Variants in STARD7 observed in about 807,000 individuals in gnomAD.
STARD7 encodes stAR-related lipid transfer protein 7, mitochondrial.
In STARD7, 30 loss-of-function variants were observed where a neutral mutation model predicts 45.3. That is an observed-to-expected ratio of 0.66 (90% CI 0.50 to 0.90). STARD7 has a LOEUF of 0.90. STARD7 is among the 40% of genes least tolerant of loss of function. STARD7 has a pLI of 0.00. For missense variants in STARD7, 495 were observed against 491.3 expected (o/e 1.01, Z -0.07); for synonymous variants, 199 against 183.0 (o/e 1.09, Z -0.70).
chr2:96,186,795 T>C lies in STARD7; in HGVS notation c.1048A>G (p.Thr350Ala). 6.2e-7 allele frequency: 1 copy of C among 1,612,256 alleles called. No homozygotes were observed. Among genetic ancestry groups the C allele is most frequent in the Non-Finnish European group, 8.5e-7 (1 of 1,179,574 alleles). Reference sequence around the variant, plus strand: ...TTCTTTCGCTCAGAGGACTGGCTGGTGGCCTTGGCTTCACTACTCATTTCC... The same window carrying C: ...TTCTTTCGCTCAGAGGACTGGCTGGCGGCCTTGGCTTCACTACTCATTTCC... ...PLEMSSEAKA[T>A]SQSSERKNEG... The change falls in exon 8 of 8, where the codon ACC (threonine) becomes GCC (alanine). Residue 350 changes from threonine (T) to alanine (A), a missense_variant. Thr to Ala is a moderately conservative substitution (Grantham distance 58). Coordinates refer to ENST00000337288, the MANE Select transcript of STARD7 (RefSeq NM_020151.4).
chr2:96,193,439 A>G, intron 3 of STARD7, 87 bp from the exon 4 acceptor site: 1 of 852,102 alleles, frequency 1.2e-6, no homozygotes, highest in Non-Finnish European at 2.0e-6. Flanking sequence ...TCTCTGATCC[A>G]AGAATCTTAT....
chr2:96,198,221 G>A (rs867455335), intron 1 of STARD7, among the ~76,000 whole-genome samples: 1 of 151,956 alleles, frequency 6.6e-6, no homozygotes, highest in African/African-American at 2.4e-5. Context: ...TACTTGGGAG[G>A]CTGAGACAGG....
chr2:96,187,201 A>G lies in STARD7; in HGVS notation c.928+16T>C, dbSNP rs770300147. On this transcript the variant is annotated intron_variant, in intron 7 of 7. Coordinates refer to ENST00000337288, the MANE Select transcript of STARD7 (RefSeq NM_020151.4). ...TCAACCCAGGTTCCAGGCCCTGTAT[A>G]CTTGCCCTTACTTACCACTGGAAAC... 33 of 1,594,578 alleles carry G rather than the reference A, an allele frequency of 2.1e-5. No individual in the cohort carries two copies. The South Asian group carries it at 2.6e-4, about 13-fold the overall frequency.
chr2:96,192,081 G>A (rs1654537511), intron 6 of STARD7, among the ~76,000 whole-genome samples: 1 of 152,178 alleles, frequency 6.6e-6, no homozygotes, highest in South Asian at 2.1e-4. Context: ...TCTAGTTCCT[G>A]AAGAATGCTA....
intron 1 of STARD7, among the ~76,000 whole-genome samples, chr2:96,207,875 A>G (rs1683423373): frequency 1.3e-5 from 2 of 152,214 alleles, no homozygotes; most frequent in African/African-American, 2.4e-5. Flanking sequence ...TGATTTCTAC[A>G]GTGTTGTTTC....
At chr2:96,194,211 A>AT (rs1409757382) in intron 3 of STARD7, among the ~76,000 whole-genome samples, 1 of 152,122 alleles carries the variant, frequency 6.6e-6, no homozygotes, top group Non-Finnish European at 1.5e-5. Context: ...AAAAAATTTT[A>AT]ATTAGCCAAG....
chr2:96,195,919 C>A (rs1683197520), intron 1 of STARD7, among the ~76,000 whole-genome samples: 1 of 151,832 alleles, frequency 6.6e-6, no homozygotes, highest in Admixed American at 6.6e-5. Context: ...TCAAAACCAG[C>A]CTGATCAACA....
rs555067780 is a variant in STARD7 at position 96,197,067 on chromosome 2, A to C, written c.291-1518T>G. Among the ~76,000 whole-genome samples the C allele has an allele frequency of 7.0e-5, 3 of 43,036 alleles. No homozygotes were observed. In the South Asian group the frequency reaches 2.0e-3, roughly 29 times the overall value. The allele number at this position is 43,036 out of a possible 152,430, so 28.2% of individuals were successfully genotyped here. Reference sequence around the variant, plus strand: ...GGCAACAAGAGCGAAACTCCGTCTCAAAATAAAATAAAATAAAATAAAATA... The same window carrying C: ...GGCAACAAGAGCGAAACTCCGTCTCCAAATAAAATAAAATAAAATAAAATA... On this transcript the variant is annotated intron_variant, in intron 1 of 7. Coordinates refer to ENST00000337288, the MANE Select transcript of STARD7 (RefSeq NM_020151.4).
chr2:96,187,244 A>G lies in STARD7; in HGVS notation c.901T>C (p.Tyr301His). ...SDNPQTVFPR[Y>H]CVSWMVSSGM... ...CTGGAAACCATCCAACTAACACAGT[A>G]GCGAGGAAACACCGTTTGGGGATTG... The change falls in exon 7 of 8, where the codon TAC becomes CAC. Residue 301 changes from tyrosine (Y) to histidine (H), a missense_variant. Tyr to His is a moderately conservative substitution (Grantham distance 83). Coordinates refer to ENST00000337288, the MANE Select transcript of STARD7 (RefSeq NM_020151.4). 1 of 1,613,852 alleles carries G rather than the reference A, an allele frequency of 6.2e-7. No homozygotes were observed. The highest frequency in any genetic ancestry group is 1.7e-5 in the Admixed American group (1 of 60,018).
chr2:96,206,966 A>G (rs908826509), intron 1 of STARD7, among the ~76,000 whole-genome samples: 4 of 152,240 alleles, frequency 2.6e-5, no homozygotes, highest in Non-Finnish European at 4.4e-5. Context: ...GCAAAAGAAT[A>G]CTAATAGGAA....
intron 1 of STARD7, among the ~76,000 whole-genome samples, chr2:96,207,668 GC>G (rs1683420322): frequency 1.3e-5 from 2 of 152,266 alleles, no homozygotes; most frequent in South Asian, 2.1e-4. Flanking sequence ...TCTCAATTTT[GC>G]CACGAGTCAC....
At position 96,193,395 on chromosome 2, in the gene STARD7, A is replaced by G. The variant is rs201667410; in HGVS notation, c.550-43T>C. 6.2e-4 allele frequency: 809 copies of G among 1,304,898 alleles called. 8 individuals are homozygous for G. Among genetic ancestry groups the G allele is most frequent in the Admixed American group, 1.5e-4 (9 of 58,378 alleles). 80.8% of individuals were successfully genotyped at this position (1,304,898 alleles called of 1,614,324 possible). On this transcript the variant is annotated intron_variant, in intron 3 of 7. Transcript: ENST00000337288. ...ACCATGAATACCCAAGAAGACCCAA[A>G]ACAAAAATGCAGAAAGCTTTCCAGA... is the stretch of plus-strand genomic sequence containing the variant.
At chr2:96,197,090 A>AAAAATAAAATAAAATAAAAT (rs1213410041) in intron 1 of STARD7, among the ~76,000 whole-genome samples, 1 of 138,124 alleles carries the variant, frequency 7.2e-6, no homozygotes, top group Non-Finnish European at 1.6e-5. Flanking sequence ...ATAAAATAAA[A>AAAAATAAAATAAAATAAAAT]TAAAATAAAA....
At chr2:96,201,492 G>A (rs1321327763) in intron 1 of STARD7, among the ~76,000 whole-genome samples, 1 of 151,816 alleles carries the variant, frequency 6.6e-6, no homozygotes, top group Non-Finnish European at 1.5e-5. Context: ...GGAGGCAGAG[G>A]TGGGAGAATC....
chr2:96,192,069 G>A (rs1010142202), intron 6 of STARD7, among the ~76,000 whole-genome samples: 1 of 152,126 alleles, frequency 6.6e-6, no homozygotes, highest in Non-Finnish European at 1.5e-5. Context: ...GGAGGTACTC[G>A]CTCTAGTTCC....
intron 1 of STARD7, among the ~76,000 whole-genome samples, chr2:96,196,168 G>C (rs1321634993): frequency 6.6e-6 from 1 of 151,292 alleles, no homozygotes; most frequent in African/African-American, 2.4e-5. Flanking sequence ...TAAGTGTCAA[G>C]TGCTTAATAT....
intron 1 of STARD7, 36 bp downstream of exon 1, chr2:96,208,109 C>T (rs781313580): frequency 6.7e-7 from 1 of 1,500,594 alleles, no homozygotes; most frequent in Non-Finnish European, 8.9e-7. Context: ...AGCCCCCCCA[C>T]CCCACGGCCC....
At chr2:96,193,710 A>C (rs1249522504) in intron 3 of STARD7, among the ~76,000 whole-genome samples, 1 of 152,274 alleles carries the variant, frequency 6.6e-6, no homozygotes, top group Non-Finnish European at 1.5e-5. Flanking sequence ...GTCCAAAAGT[A>C]TTAAGTAGAC....
At chr2:96,204,916 T>A (rs1316601848) in intron 1 of STARD7, among the ~76,000 whole-genome samples, 1 of 152,218 alleles carries the variant, frequency 6.6e-6, no homozygotes, top group Non-Finnish European at 1.5e-5. Flanking sequence ...TACTCAAATT[T>A]CTGGAGCAAT....
Sources: gnomAD v4.1 joint callset for allele counts (sites outside exome capture counted in the v4.1 genomes callset) on GRCh38, gnomAD v4.1.1 for gene constraint, MANE v1.5 for transcripts, NCBI Gene and HGNC (gene_info 2026-07-23, HGNC 2026-07-21) for gene names.